The following SCN8A variants were observed in gnomAD, a reference collection of about 807,000 sequenced individuals.
SCN8A encodes sodium channel protein type 8 subunit alpha.
SCN8A carries 30 observed loss-of-function variants against 184.1 expected under a neutral mutation model. That is an observed-to-expected ratio of 0.16 (90% CI 0.12 to 0.22). SCN8A has a LOEUF of 0.22. Among genes scored for constraint, SCN8A ranks in the 10% least tolerant of loss-of-function variants. The probability of loss-of-function intolerance (pLI) is 1.00; values close to 1 mark genes in which losing one functional copy is unlikely to be tolerated. For missense variants in SCN8A, 1,057 were observed against 2,498.9 expected, an observed-to-expected ratio of 0.42 and a Z score of 12.30; for synonymous variants, 852 against 907.0, an observed-to-expected ratio of 0.94 and a Z score of 1.09.
intron 1 of SCN8A, among the ~76,000 whole-genome samples, chr12:51,603,306 G>A (rs1939509277): frequency 6.6e-6 from 1 of 152,176 alleles, no homozygotes; most frequent in South Asian, 2.1e-4. Context: ...CTTTTGCTGA[G>A]CATAATACTT....
intron 1 of SCN8A, among the ~76,000 whole-genome samples, chr12:51,627,264 A>G (rs886635631): frequency 1.3e-5 from 2 of 152,232 alleles, no homozygotes; most frequent in South Asian, 2.1e-4. Flanking sequence ...AACTTGTTCT[A>G]TCTTATATTA....
Position 51,744,670 on chromosome 12 carries a change from C to A in SCN8A, c.1999-1233C>A, listed in dbSNP as rs1407816410. On this transcript the variant is annotated intron_variant, in intron 12 of 26. Transcript: ENST00000627620. ...ATGTTGCCCAGGATGGTCTCTAACTCCTGGGCTCATGTAATCCTGCCGCCT... is the reference window on the plus strand; with the variant it reads ...ATGTTGCCCAGGATGGTCTCTAACTACTGGGCTCATGTAATCCTGCCGCCT... Among the ~76,000 whole-genome samples, 4 of 148,688 alleles carry A rather than the reference C, an allele frequency of 2.7e-5. No individual in the cohort carries two copies. The East Asian group carries it at 7.9e-4, about 29-fold the overall frequency.
At chr12:51,678,593 A>G (rs1941267302) in intron 2 of SCN8A, among the ~76,000 whole-genome samples, 3 of 152,206 alleles carry the variant, frequency 2.0e-5, no homozygotes, top group Non-Finnish European at 4.4e-5. Context: ...AGATCTAGAG[A>G]CATGCAGTGG....
intron 21 of SCN8A, among the ~76,000 whole-genome samples, chr12:51,783,832 G>A (rs1282886554): frequency 6.6e-6 from 1 of 152,176 alleles, no homozygotes; most frequent in African/African-American, 2.4e-5. Context: ...CAAAAATACT[G>A]TAAGAATTAA....
At chr12:51,638,945 G>A (rs1940380435) in intron 1 of SCN8A, among the ~76,000 whole-genome samples, 1 of 152,124 alleles carries the variant, frequency 6.6e-6, no homozygotes, top group African/African-American at 2.4e-5. Flanking sequence ...AACTTGGACA[G>A]ATGAGAGGTT....
intron 6 of SCN8A, among the ~76,000 whole-genome samples, chr12:51,694,497 T>G (rs1397656391): frequency 6.6e-6 from 1 of 152,214 alleles, no homozygotes. Flanking sequence ...TGTCTTTTCT[T>G]GGCCTGTGGT....
chr12:51,774,885 GA>G (rs764346519), intron 20 of SCN8A, among the ~76,000 whole-genome samples: 23 of 152,148 alleles, frequency 1.5e-4, no homozygotes, highest in Non-Finnish European at 3.2e-4. Flanking sequence ...AGTTCATACT[GA>G]AATAAAATAC....
At chr12:51,779,002 G>A (rs1399091765) in intron 20 of SCN8A, among the ~76,000 whole-genome samples, 3 of 151,996 alleles carry the variant, frequency 2.0e-5, no homozygotes, top group African/African-American at 7.3e-5. Flanking sequence ...AATCACCTGA[G>A]GTCAGGAGTT....
chr12:51,780,586 T>TGGTTACC, intron 20 of SCN8A, 63 bp from the exon 21 acceptor site: 1 of 321,846 alleles, frequency 3.1e-6, no homozygotes, highest in South Asian at 3.8e-5. Flanking sequence ...TTTTTTTTTT[T>TGGTTACC]TTTTTTTTTT....
Position 51,600,965 on chromosome 12 carries a change from C to A in SCN8A, c.-55+9606C>A, listed in dbSNP as rs554865287. ...CAGTAGAGCAGGCACAGTTCATGTA[C>A]AAGATGTTAATAAATTTAGCACTCT... is the stretch of plus-strand genomic sequence containing the variant. On this transcript the variant is annotated intron_variant, in intron 1 of 26. Transcript: ENST00000627620. Among the ~76,000 whole-genome samples, 5 of 152,294 alleles carry A rather than the reference C, an allele frequency of 3.3e-5. No individual in the cohort carries two copies. The East Asian group carries it at 9.6e-4, about 29-fold the overall frequency.
At chr12:51,697,202 A>G (rs1382785452) in intron 6 of SCN8A, among the ~76,000 whole-genome samples, 2 of 152,162 alleles carry the variant, frequency 1.3e-5, no homozygotes, top group East Asian at 3.9e-4. Flanking sequence ...GAGCCCAAGC[A>G]AGCGCTTCAT....
At chr12:51,777,268 T>A (rs1005972287) in intron 20 of SCN8A, among the ~76,000 whole-genome samples, 3 of 152,156 alleles carry the variant, frequency 2.0e-5, no homozygotes, top group East Asian at 3.9e-4. Flanking sequence ...TTTTCATTTT[T>A]AAAATTTTTT....
Position 51,794,490 on chromosome 12 carries a change from G to A in SCN8A, c.4644G>A (p.Lys1548=), listed in dbSNP as rs753193934. The change falls in exon 26 of 27, where the codon AAG becomes AAA. Residue 1548 remains lysine (K), a synonymous_variant. Transcript: ENST00000627620. ...TMMVETDTQS[K]QMENILYWIN... is the part of the protein sequence containing the mutation. ...TGGTGGAGACAGACACTCAAAGCAA[G>A]CAGATGGAGAACATCCTCTACTGGA... 2 of 1,614,036 alleles carry A rather than the reference G, an allele frequency of 1.2e-6. No individual in the cohort carries two copies. Among genetic ancestry groups the A allele is most frequent in the Admixed American group, 1.7e-5 (1 of 60,030 alleles).
intron 1 of SCN8A, among the ~76,000 whole-genome samples, chr12:51,615,202 C>T (rs1395011474): frequency 6.6e-6 from 1 of 151,850 alleles, no homozygotes; most frequent in Non-Finnish European, 1.5e-5. Flanking sequence ...TTACAATGTA[C>T]ATACTTAAGT....
At chr12:51,727,689 A>G (rs1397247255) in intron 12 of SCN8A, among the ~76,000 whole-genome samples, 1 of 152,200 alleles carries the variant, frequency 6.6e-6, no homozygotes, top group Non-Finnish European at 1.5e-5. Context: ...TTTAACATAA[A>G]TAGTAGCTCA....
intron 19 of SCN8A, 65 bp from the exon 20 acceptor site, chr12:51,774,124 G>A: frequency 6.6e-7 from 1 of 1,509,220 alleles, no homozygotes; most frequent in Middle Eastern, 1.7e-4. Context: ...CCTGAGGATA[G>A]CAGTGCTCCC....
At chr12:51,729,923 C>T (rs1178176001) in intron 12 of SCN8A, among the ~76,000 whole-genome samples, 1 of 151,980 alleles carries the variant, frequency 6.6e-6, no homozygotes, top group Non-Finnish European at 1.5e-5. Context: ...ATTATCTTTT[C>T]CTATGTTTTT....
At chr12:51,707,857 T>A (rs2138752996) in intron 11 of SCN8A, among the ~76,000 whole-genome samples, 1 of 152,328 alleles carries the variant, frequency 6.6e-6, no homozygotes, top group African/African-American at 2.4e-5. Context: ...TAATCCCACT[T>A]GATTTTTGTT....
chr12:51,715,296 C>T (rs1184388961), intron 11 of SCN8A, among the ~76,000 whole-genome samples: 1 of 152,136 alleles, frequency 6.6e-6, no homozygotes, highest in East Asian at 1.9e-4. Flanking sequence ...ACCTTCATCA[C>T]TGTCTTATCA....
Sources: allele counts gnomAD v4.1 joint callset (sites outside exome capture counted in the v4.1 genomes callset), GRCh38; gene constraint gnomAD v4.1.1; transcripts MANE v1.5; gene names NCBI Gene and HGNC (gene_info 2026-07-23, HGNC 2026-07-21).